The following NAV2 variants were observed in gnomAD, a reference collection of about 807,000 sequenced individuals.
NAV2 encodes the protein helicase, APC down-regulated 1.
Under a neutral mutation model 223.2 loss-of-function variants are expected in NAV2, and 54 were observed. The observed-to-expected ratio is 0.24, with a 90% CI of 0.19 to 0.30. The LOEUF (loss-of-function observed/expected upper bound fraction) is 0.30. Among genes scored for constraint, NAV2 ranks in the 10% least tolerant of loss-of-function variants. The pLI is 1.00. For missense variants in NAV2, 2,806 were observed against 3,147.5 expected, an observed-to-expected ratio of 0.89 and a Z score of 2.60; for synonymous variants, 1,279 against 1,239.3, an observed-to-expected ratio of 1.03 and a Z score of -0.67.
At chr11:20,089,141 A>G (rs965799997) in intron 26 of NAV2, among the ~76,000 whole-genome samples, 4 of 152,154 alleles carry the variant, frequency 2.6e-5, no homozygotes, top group African/African-American at 9.6e-5. Flanking sequence ...TCCTGAATCT[A>G]TTGGCTTCAG....
intron 1 of NAV2, chr11:19,519,872 T>C (rs2043587188): frequency 6.6e-6 from 1 of 152,200 alleles, no homozygotes; most frequent in East Asian, 1.9e-4. Flanking sequence ...CTGGGCCTTC[T>C]CTGGGAATGC....
chr11:20,079,786 A>G (rs1358712327), intron 24 of NAV2, among the ~76,000 whole-genome samples: 2 of 152,162 alleles, frequency 1.3e-5, no homozygotes, highest in East Asian at 3.9e-4. Context: ...ACACCTATCT[A>G]AAGCTTAAGA....
At chr11:19,897,766 T>G (rs2153173130) in intron 6 of NAV2, among the ~76,000 whole-genome samples, 1 of 151,960 alleles carries the variant, frequency 6.6e-6, no homozygotes, top group South Asian at 2.1e-4. Context: ...TGCAGAACCT[T>G]TAGGAAAACC....
intron 1 of NAV2, among the ~76,000 whole-genome samples, chr11:19,823,941 A>G (rs2059523395): frequency 6.6e-6 from 1 of 152,194 alleles, no homozygotes; most frequent in Non-Finnish European, 1.5e-5. Flanking sequence ...AAGAAAAGAA[A>G]AAGTGCAATT....
At chr11:20,021,990 C>T (rs1591698500) in intron 11 of NAV2, among the ~76,000 whole-genome samples, 2 of 152,304 alleles carry the variant, frequency 1.3e-5, no homozygotes, top group Middle Eastern at 3.4e-3. Flanking sequence ...TGCTTCCTTC[C>T]CTAACCATCC....
intron 6 of NAV2, among the ~76,000 whole-genome samples, chr11:19,902,755 T>C (rs1435704112): frequency 1.3e-5 from 2 of 152,224 alleles, no homozygotes; most frequent in African/African-American, 4.8e-5. Context: ...CTCTCATCTG[T>C]AGTCAGGACT....
intron 1 of NAV2, among the ~76,000 whole-genome samples, chr11:19,731,088 C>T (rs1226662702): frequency 6.6e-6 from 1 of 152,128 alleles, no homozygotes; most frequent in Non-Finnish European, 1.5e-5. Context: ...GATCTGATGA[C>T]CCTACCCAAG....
At chr11:19,905,208 A>T (rs765750829) in intron 6 of NAV2, among the ~76,000 whole-genome samples, 23 of 152,178 alleles carry the variant, frequency 1.5e-4, no homozygotes, top group Non-Finnish European at 2.4e-4. Flanking sequence ...TCTTGAGAAG[A>T]TTTCTCCCTT....
intron 1 of NAV2, among the ~76,000 whole-genome samples, chr11:19,796,588 T>C (rs555697876): frequency 6.6e-6 from 1 of 152,314 alleles, no homozygotes; most frequent in African/African-American, 2.4e-5. Flanking sequence ...AGCTGAGCCA[T>C]AATGCTAAAC....
Position 20,105,554 on chromosome 11 carries a change from C to G in NAV2, c.6668C>G (p.Thr2223Arg). The G allele has an allele frequency of 1.9e-6, 3 of 1,613,690 alleles. No homozygotes were observed. Among genetic ancestry groups the G allele is most frequent in the South Asian group, 1.1e-5 (1 of 90,998 alleles). ...AGATGGGTGCTTTGTGCCAACCACA[C>G]GGAGCCTGTGAAGGGTTTCCTTGGC... ...NFRWVLCANH[T>R]EPVKGFLGRF... The change falls in exon 35 of 38, where the codon ACG becomes AGG. Residue 2223 changes from threonine to arginine, a missense_variant. This residue lies in a region of NAV2 where 824 missense variants were observed against 1,069.4 expected (regional missense o/e 0.77). Transcript: ENST00000349880.
intron 1 of NAV2, among the ~76,000 whole-genome samples, chr11:19,807,707 C>T (rs1490555663): frequency 6.6e-6 from 1 of 152,178 alleles, no homozygotes; most frequent in African/African-American, 2.4e-5. Flanking sequence ...GAAGTTCTCA[C>T]CCACCCACTA....
rs144677219 is a variant in NAV2 at position 19,542,508 on chromosome 11, C to T, written c.75+191481C>T. On this transcript the variant is annotated intron_variant, in intron 1 of 37. Transcript: ENST00000360655. ...CGCTGCCCAGAGTAAGAATAGCTAA[C>T]ATTTGTGGAGTATTTACTAGGGGTC... is the stretch of plus-strand genomic sequence containing the variant. 2.0e-3 allele frequency among the ~76,000 whole-genome samples: 305 copies of T among 152,312 alleles called. 3 individuals are homozygous for T. Among genetic ancestry groups the T allele is most frequent in the African/African-American group, 6.6e-3 (275 of 41,568 alleles).
At chr11:19,717,397 C>A (rs2050391778) in intron 1 of NAV2, among the ~76,000 whole-genome samples, 1 of 152,124 alleles carries the variant, frequency 6.6e-6, no homozygotes, top group South Asian at 2.1e-4. Context: ...AAAGGAAAGG[C>A]CAAGATGGCT....
At chr11:19,791,702 A>G (rs937208077) in intron 1 of NAV2, among the ~76,000 whole-genome samples, 2 of 152,192 alleles carry the variant, frequency 1.3e-5, no homozygotes, top group Admixed American at 6.5e-5. Flanking sequence ...GGCCATAACC[A>G]TCCAGAGAGC....
intron 1 of NAV2, among the ~76,000 whole-genome samples, chr11:19,626,174 C>T (rs1447811073): frequency 1.3e-5 from 2 of 152,056 alleles, no homozygotes; most frequent in African/African-American, 2.4e-5. Context: ...TTGGGTCTTA[C>T]GTTTAGGTAT....
chr11:19,621,191 A>G (rs975121455), intron 1 of NAV2, among the ~76,000 whole-genome samples: 3 of 152,124 alleles, frequency 2.0e-5, no homozygotes, highest in African/African-American at 4.8e-5. Flanking sequence ...TTTTGCATCG[A>G]TGTTCATCAG....
At chr11:20,047,278 G>A (rs529580885) in intron 14 of NAV2, among the ~76,000 whole-genome samples, 5 of 152,238 alleles carry the variant, frequency 3.3e-5, no homozygotes, top group Non-Finnish European at 5.9e-5. Flanking sequence ...CAGCTCCTAC[G>A]GCTCTACATT....
intron 1 of NAV2, among the ~76,000 whole-genome samples, chr11:19,795,986 C>T (rs113129814): frequency 6.6e-6 from 1 of 151,834 alleles, no homozygotes; most frequent in African/African-American, 2.4e-5. Context: ...ATCTGGATTC[C>T]CATGGACTCA....
intron 1 of NAV2, among the ~76,000 whole-genome samples, chr11:19,536,487 C>T (rs1362267064): frequency 6.6e-6 from 1 of 152,224 alleles, no homozygotes; most frequent in Non-Finnish European, 1.5e-5. Flanking sequence ...TCTCAGGCCC[C>T]ACCCCACACC....
Sources: gnomAD v4.1 joint callset for allele counts (sites outside exome capture counted in the v4.1 genomes callset) on GRCh38, gnomAD v4.1.1 for gene constraint, gnomAD v4.1.1 regional missense constraint, MANE v1.5 for transcripts, NCBI Gene and HGNC (gene_info 2026-07-23, HGNC 2026-07-21) for gene names.